The following ATRX variants were observed in gnomAD, a reference collection of about 807,000 sequenced individuals.
The protein encoded by ATRX is ATRX chromatin remodeler.
ATRX carries 12 observed loss-of-function variants against 172.6 expected under a neutral mutation model. The observed-to-expected ratio is 0.07, with a 90% CI of 0.04 to 0.11. The LOEUF (loss-of-function observed/expected upper bound fraction) is 0.11. Ranked by LOEUF, ATRX falls within the 10% of genes least tolerant of loss-of-function variation. The pLI is 1.00. For missense variants in ATRX, 1,368 were observed against 1,767.4 expected (o/e 0.77, Z 4.05); for synonymous variants, 674 against 594.7 (o/e 1.13, Z -1.94).
intron 19 of ATRX, among the ~76,000 whole-genome samples, chrX:77,622,950 A>G (rs782595652): frequency 9.0e-6 from 1 of 110,646 alleles, no homozygotes; most frequent in Non-Finnish European, 1.9e-5. Flanking sequence ...CCTACATCAA[A>G]AAGTCCGAAA....
intron 6 of ATRX, among the ~76,000 whole-genome samples, chrX:77,691,737 T>C (rs1275743511): frequency 4.5e-5 from 5 of 111,733 alleles, no homozygotes; most frequent in African/African-American, 6.5e-5. Flanking sequence ...AGGCTTCAAT[T>C]TGGAACCAGC....
chrX:77,709,689 G>T (rs907317578), intron 2 of ATRX, among the ~76,000 whole-genome samples: 40 of 108,855 alleles, frequency 3.7e-4, no homozygotes, highest in African/African-American at 1.0e-3. Context: ...ATTCATGTCT[G>T]TAATCCAAGG....
chrX:77,603,957 C>G (rs1444907545), intron 22 of ATRX, among the ~76,000 whole-genome samples: 1 of 111,981 alleles, frequency 8.9e-6, no homozygotes, highest in Non-Finnish European at 1.9e-5. Context: ...GGACCATTAT[C>G]TCTAACCATA....
chrX:77,663,586 CCTT>C (rs1175699741), intron 11 of ATRX, 28 bp from the exon 12 acceptor site: 5 of 1,151,582 alleles, frequency 4.3e-6, no homozygotes, highest in Middle Eastern at 2.5e-4. Context: ...ATCAATAAAA[CCTT>C]CTTCAGCCTT....
At chrX:77,564,910 C>G (rs1044620215) in intron 28 of ATRX, among the ~76,000 whole-genome samples, 9 of 111,707 alleles carry the variant, frequency 8.1e-5, no homozygotes, top group African/African-American at 2.9e-4. Flanking sequence ...CAAGTTATAA[C>G]AAGGCACTAC....
intron 10 of ATRX, chrX:77,674,631 A>C (rs1220038628): frequency 4.5e-5 from 5 of 111,770 alleles, no homozygotes; most frequent in Non-Finnish European, 9.4e-5. Context: ...TGGTGGTTAA[A>C]TATGAAATTA....
At chrX:77,645,867 A>G (rs782622471) in intron 15 of ATRX, among the ~76,000 whole-genome samples, 34 of 112,263 alleles carry the variant, frequency 3.0e-4, no homozygotes, top group African/African-American at 1.1e-3. Context: ...TTTGTATGCA[A>G]CTGAAGTTAA....
chrX:77,645,198 T>C (rs1288836036), intron 15 of ATRX, among the ~76,000 whole-genome samples: 1 of 111,748 alleles, frequency 8.9e-6, no homozygotes, highest in African/African-American at 3.3e-5. Context: ...CAGGCTATAG[T>C]ACAATGGCAT....
intron 6 of ATRX, among the ~76,000 whole-genome samples, chrX:77,692,892 T>TGTGTG (rs1557147808): frequency 3.9e-5 from 4 of 101,994 alleles, no homozygotes; most frequent in Admixed American, 1.1e-4. Flanking sequence ...TGTGTGTGTG[T>TGTGTG]TTTAATTTTT....
At chrX:77,715,243 T>C (rs1354033468) in intron 2 of ATRX, among the ~76,000 whole-genome samples, 1 of 111,762 alleles carries the variant, frequency 8.9e-6, no homozygotes, top group East Asian at 2.8e-4. Flanking sequence ...AAGATTATAA[T>C]ACTGTATTTT....
At chrX:77,656,133 G>A (rs191817278) in intron 13 of ATRX, among the ~76,000 whole-genome samples, 176 of 111,524 alleles carry the variant, frequency 1.6e-3, no homozygotes, top group Middle Eastern at 4.6e-3. Context: ...CCTTGTACAC[G>A]TATTGTCTCA....
intron 27 of ATRX, 108 bp downstream of exon 27, chrX:77,589,726 T>C (rs2066164907): frequency 1.5e-6 from 1 of 655,690 alleles, no homozygotes; most frequent in African/African-American, 2.2e-5. Flanking sequence ...TTTGATATGA[T>C]AGAGTTGTGA....
At chrX:77,709,857 C>T in intron 2 of ATRX, among the ~76,000 whole-genome samples, 1 of 111,539 alleles carries the variant, frequency 9.0e-6, no homozygotes. Flanking sequence ...ATATGAACTG[C>T]AAAATGCACT....
At chrX:77,594,075 G>C (rs2066382563) in intron 25 of ATRX, 1 of 328,613 alleles carries the variant, frequency 3.0e-6, no homozygotes, top group Non-Finnish European at 5.3e-6. Flanking sequence ...AAAGGAAGGA[G>C]ATGCCAAATA....
intron 22 of ATRX, among the ~76,000 whole-genome samples, chrX:77,614,504 T>G (rs2067277040): frequency 8.9e-6 from 1 of 112,206 alleles, no homozygotes; most frequent in African/African-American, 3.2e-5. Context: ...CTATCAATGA[T>G]AGTCACAAAG....
intron 30 of ATRX, among the ~76,000 whole-genome samples, chrX:77,527,798 A>C (rs1397673419): frequency 8.9e-6 from 1 of 111,779 alleles, no homozygotes; most frequent in African/African-American, 3.3e-5. Context: ...GACAAGACCA[A>C]GTTCCAGCGG....
At chrX:77,750,517 T>C (rs1204772283) in intron 1 of ATRX, among the ~76,000 whole-genome samples, 2 of 111,056 alleles carry the variant, frequency 1.8e-5, no homozygotes, top group South Asian at 3.8e-4. Flanking sequence ...GTAACTTCCA[T>C]ATCTTTTTTT....
Position 77,508,239 on chromosome X carries a change from A to G in ATRX, c.*112T>C, listed in dbSNP as rs187723317. 2.7e-4 allele frequency: 256 copies of G among 960,601 alleles called. No individual in the cohort carries two copies. The highest frequency in any genetic ancestry group is 2.2e-3 in the Middle Eastern group (6 of 2,741). 79.2% of individuals were successfully genotyped at this position (960,601 alleles called of 1,213,427 possible). A position where few individuals can be genotyped will look rare whatever the true frequency, so the allele number is the denominator to read the frequency against. On this transcript the variant is annotated 3_prime_UTR_variant, in exon 35 of 35. Transcript: ENST00000373344. ...AGTAAAACTAATATGGAAGATTGGC[A>G]TTTAAGGGGACCAAACTATTTATAC...
In ATRX at chrX:77,682,487, C is replaced by T. The variant is rs2148589245; in HGVS notation, c.2769G>A (p.Lys923=). The T allele has an allele frequency of 2.5e-6, 3 of 1,211,512 alleles. No individual in the cohort carries two copies. The highest frequency in any genetic ancestry group is 2.3e-4 in the Middle Eastern group (1 of 4,355). Residue 923 remains lysine, a synonymous_variant, in exon 9 of 35, where the codon AAG becomes AAA. Coordinates refer to ENST00000373344, the MANE Select transcript of ATRX (RefSeq NM_000489.6). ...TAAAACTCTCCTCTTTCCCAGAAAG[C>T]TTATCGACACCATCAGTGGAAGCAC... The part of the protein sequence containing the change: ...QASASTDGVD[K]LSGKEESFTS...
Sources: allele counts gnomAD v4.1 joint callset (sites outside exome capture counted in the v4.1 genomes callset), GRCh38; gene constraint gnomAD v4.1.1; transcripts MANE v1.5; gene names NCBI Gene and HGNC (gene_info 2026-07-23, HGNC 2026-07-21).